The following CSMD1 variants were observed in gnomAD, a reference collection of about 807,000 sequenced individuals.
CSMD1 encodes CUB and Sushi multiple domains 1.
CSMD1 carries 213 observed loss-of-function variants against 417.5 expected under a neutral mutation model. The observed-to-expected ratio is 0.51, with a 90% CI of 0.46 to 0.57. The LOEUF (loss-of-function observed/expected upper bound fraction) is 0.57. CSMD1 is among the 20% of genes least tolerant of loss of function. CSMD1 has a pLI of 0.00. For synonymous variants in CSMD1, 2,862 were observed against 1,736.8 expected, an observed-to-expected ratio of 1.65 and a Z score of -16.11; for missense variants, 6,923 against 4,529.7, an observed-to-expected ratio of 1.53 and a Z score of -15.17.
intron 3 of CSMD1, among the ~76,000 whole-genome samples, chr8:4,165,119 T>A (rs1272851587): frequency 1.3e-5 from 2 of 152,148 alleles, no homozygotes; most frequent in Non-Finnish European, 1.5e-5. Context: ...CATGTGCTGG[T>A]GCATGCATGA....
At chr8:3,266,462 C>G (rs563510652) in intron 26 of CSMD1, among the ~76,000 whole-genome samples, 1 of 151,552 alleles carries the variant, frequency 6.6e-6, no homozygotes. Flanking sequence ...AAAAATTAGC[C>G]GGGCATGGTG....
intron 1 of CSMD1, among the ~76,000 whole-genome samples, chr8:4,655,337 T>A (rs1656465399): frequency 3.3e-5 from 5 of 152,034 alleles, no homozygotes; most frequent in Admixed American, 3.3e-4. Context: ...CTGGTTGCAA[T>A]CGACCTGCTG....
chr8:3,338,262 C>A (rs1057097397), intron 23 of CSMD1, among the ~76,000 whole-genome samples: 1 of 152,128 alleles, frequency 6.6e-6, no homozygotes, highest in African/African-American at 2.4e-5. Flanking sequence ...GCCTCTATGC[C>A]CAGGGAGTGG....
chr8:4,233,621 C>G (rs139217945), intron 3 of CSMD1, among the ~76,000 whole-genome samples: 1 of 152,260 alleles, frequency 6.6e-6, no homozygotes, highest in African/African-American at 2.4e-5. Flanking sequence ...ACACCTTGAT[C>G]TTGGACTGCC....
chr8:3,873,951 G>C (rs757254737), intron 5 of CSMD1, among the ~76,000 whole-genome samples: 24 of 152,202 alleles, frequency 1.6e-4, no homozygotes, highest in Non-Finnish European at 2.4e-4. Flanking sequence ...AAAGAGAACA[G>C]TGCAGTCTTG....
intron 5 of CSMD1, among the ~76,000 whole-genome samples, chr8:3,808,571 T>C (rs1362497360): frequency 1.3e-5 from 2 of 152,188 alleles, no homozygotes; most frequent in African/African-American, 4.8e-5. Flanking sequence ...ATGGGGAGAA[T>C]CCTCATGTTT....
chr8:3,668,036 C>T (rs989529288), intron 7 of CSMD1, among the ~76,000 whole-genome samples: 3 of 152,152 alleles, frequency 2.0e-5, no homozygotes, highest in Non-Finnish European at 4.4e-5. Flanking sequence ...CTCCCCCAGT[C>T]CCCATCCCAA....
intron 54 of CSMD1, among the ~76,000 whole-genome samples, chr8:2,988,575 T>G (rs780365448): frequency 1.3e-5 from 2 of 152,070 alleles, no homozygotes; most frequent in Non-Finnish European, 2.9e-5. Flanking sequence ...TCCAGGAGAG[T>G]AGGAAAATGT....
At chr8:4,529,746 A>G (rs1563259874) in intron 2 of CSMD1, among the ~76,000 whole-genome samples, 2 of 152,242 alleles carry the variant, frequency 1.3e-5, no homozygotes, top group East Asian at 1.9e-4. Flanking sequence ...TTTTCAGACT[A>G]TAAAGCGGTC....
intron 10 of CSMD1, among the ~76,000 whole-genome samples, chr8:3,512,680 C>A (rs62475767): frequency 6.7e-6 from 1 of 149,562 alleles, no homozygotes; most frequent in Non-Finnish European, 1.5e-5. Context: ...ATGATCTGGG[C>A]TCCCTGCAAC....
intron 59 of CSMD1, among the ~76,000 whole-genome samples, chr8:2,963,834 AAG>A (rs1008585165): frequency 6.6e-6 from 1 of 152,188 alleles, no homozygotes; most frequent in Non-Finnish European, 1.5e-5. Flanking sequence ...TAGTTTCCAA[AAG>A]ACACAGTCGG....
At chr8:4,032,609 G>A (rs759456300) in intron 3 of CSMD1, among the ~76,000 whole-genome samples, 1 of 152,086 alleles carries the variant, frequency 6.6e-6, no homozygotes, top group African/African-American at 2.4e-5. Context: ...ATAAGCAATT[G>A]AATTAAATAA....
chr8:3,598,687 G>T (rs952407530), intron 8 of CSMD1, among the ~76,000 whole-genome samples: 1 of 152,184 alleles, frequency 6.6e-6, no homozygotes, highest in Non-Finnish European at 1.5e-5. Flanking sequence ...TAGCTGAAGG[G>T]TTGCCTTGGA....
At chr8:4,430,891 C>A (rs1454873880) in intron 2 of CSMD1, among the ~76,000 whole-genome samples, 4 of 152,170 alleles carry the variant, frequency 2.6e-5, no homozygotes, top group Non-Finnish European at 5.9e-5. Context: ...GCACCAGCTT[C>A]TCCTGAATGG....
intron 5 of CSMD1, among the ~76,000 whole-genome samples, chr8:3,806,196 C>T (rs754701337): frequency 6.6e-6 from 1 of 152,140 alleles, no homozygotes; most frequent in South Asian, 2.1e-4. Context: ...CATTCAAACG[C>T]AGAGTGCTTT....
chr8:4,899,289 A>C (rs1481517712), intron 1 of CSMD1, among the ~76,000 whole-genome samples: 4 of 152,130 alleles, frequency 2.6e-5, no homozygotes, highest in Non-Finnish European at 2.9e-5. Context: ...GCAAAACATA[A>C]CATTATTGAT....
chr8:3,967,315 T>G (rs778880966), intron 5 of CSMD1, among the ~76,000 whole-genome samples: 4 of 152,170 alleles, frequency 2.6e-5, no homozygotes, highest in Non-Finnish European at 5.9e-5. Context: ...TACACCTGAA[T>G]GGAAATGATG....
intron 3 of CSMD1, among the ~76,000 whole-genome samples, chr8:4,387,525 C>T (rs1803532019): frequency 9.2e-6 from 1 of 108,136 alleles, no homozygotes; most frequent in African/African-American, 3.4e-5. Flanking sequence ...TCTGTGGGAG[C>T]TTATCTTTTA....
intron 4 of CSMD1, among the ~76,000 whole-genome samples, chr8:4,027,149 G>C (rs1477991934): frequency 6.6e-6 from 1 of 152,174 alleles, no homozygotes; most frequent in South Asian, 2.1e-4. Context: ...ACACTACCAG[G>C]TGGAATTGCA....
Sources: allele counts gnomAD v4.1 joint callset (sites outside exome capture counted in the v4.1 genomes callset), GRCh38; gene constraint gnomAD v4.1.1; transcripts MANE v1.5; gene names NCBI Gene and HGNC (gene_info 2026-07-23, HGNC 2026-07-21).